The following HDAC4 variants were observed in gnomAD, a reference collection of about 807,000 sequenced individuals.
HDAC4 encodes histone deacetylase 4.
HDAC4 carries 16 observed loss-of-function variants against 135.1 expected under a neutral mutation model. The ratio of observed to expected loss-of-function variants is 0.12; its 90% CI spans 0.08 to 0.18. The LOEUF (loss-of-function observed/expected upper bound fraction) is 0.18, where lower values mean the gene tolerates loss of function less well. HDAC4 is among the 10% of genes least tolerant of loss of function. The pLI is 1.00. For synonymous variants in HDAC4, 685 were observed against 653.4 expected (o/e 1.05, Z -0.74); for missense variants, 1,143 against 1,511.8 (o/e 0.76, Z 4.05).
chr2:239,325,716 G>A (rs993155789), intron 2 of HDAC4, among the ~76,000 whole-genome samples: 16 of 152,226 alleles, frequency 1.1e-4, no homozygotes, highest in Non-Finnish European at 2.2e-4. Context: ...TGTAATCCCA[G>A]CACTTTGGGA....
chr2:239,060,834 G>C (rs933537460), intron 24 of HDAC4, among the ~76,000 whole-genome samples: 1 of 152,366 alleles, frequency 6.6e-6, no homozygotes, highest in Middle Eastern at 3.4e-3. Flanking sequence ...GGCCCGTGTG[G>C]GATGCACGCA....
intron 2 of HDAC4, among the ~76,000 whole-genome samples, chr2:239,280,619 G>C (rs2050650306): frequency 6.6e-6 from 1 of 152,120 alleles, no homozygotes; most frequent in Admixed American, 6.5e-5. Flanking sequence ...AGGCTCGGGG[G>C]CCTCTCTCCC....
chr2:239,112,962 T>C (rs1044364452), intron 13 of HDAC4, among the ~76,000 whole-genome samples: 1 of 152,198 alleles, frequency 6.6e-6, no homozygotes, highest in Non-Finnish European at 1.5e-5. Context: ...TGGTGGCTCA[T>C]GCCTGTAATC....
At chr2:239,061,706 C>T (rs953281536) in intron 24 of HDAC4, among the ~76,000 whole-genome samples, 2 of 152,160 alleles carry the variant, frequency 1.3e-5, no homozygotes, top group East Asian at 1.9e-4. Context: ...ACTTGGTTTT[C>T]GTTACTTTGT....
Position 239,190,026 on chromosome 2 carries a change from A to G in HDAC4, c.146T>C (p.Met49Thr), listed in dbSNP as rs758717341. ...PLQVAPSAVPMDLRLDHQFSL... is the reference protein window; with the variant it reads ...PLQVAPSAVPTDLRLDHQFSL... ...GAACTGGTGGTCCAGGCGCAGGTCC[A>G]TGGGCACTGCCGAGGGGGCCACTTG... Residue 49 changes from methionine to threonine, a missense_variant, in exon 4 of 27, where the codon ATG (methionine) becomes ACG (threonine). Met to Thr is a moderately conservative substitution (Grantham distance 81, BLOSUM62 -1). Coordinates refer to ENST00000543185, the MANE Select transcript of HDAC4 (RefSeq NM_001378414.1). 5 of 1,604,776 alleles carry G rather than the reference A, an allele frequency of 3.1e-6. No individual in the cohort carries two copies. The highest frequency in any genetic ancestry group is 4.5e-5 in the East Asian group (2 of 44,776).
intron 3 of HDAC4, among the ~76,000 whole-genome samples, chr2:239,215,383 C>T (rs2046576767): frequency 6.6e-6 from 1 of 152,156 alleles, no homozygotes; most frequent in Non-Finnish European, 1.5e-5. Flanking sequence ...GGGCTGGCTG[C>T]TGGGAGCCCA....
At chr2:239,086,280 G>A (rs1337923586) in intron 19 of HDAC4, among the ~76,000 whole-genome samples, 1 of 71,692 alleles carries the variant, frequency 1.4e-5, no homozygotes. Context: ...TATCTCGCAC[G>A]TAGTCTCTTC....
intron 2 of HDAC4, among the ~76,000 whole-genome samples, chr2:239,317,313 C>G (rs1051197479): frequency 4.1e-5 from 4 of 98,272 alleles, no homozygotes; most frequent in African/African-American, 1.2e-4. Flanking sequence ...GTGGGTGGGG[C>G]CGGCGTGTGT....
intron 16 of HDAC4, among the ~76,000 whole-genome samples, chr2:239,095,554 G>A (rs1045413769): frequency 4.6e-5 from 7 of 152,154 alleles, no homozygotes; most frequent in Admixed American, 6.5e-5. Flanking sequence ...TGAGATCCTC[G>A]GGAATGTATG....
chr2:239,138,995 G>A (rs550885326), intron 9 of HDAC4, among the ~76,000 whole-genome samples: 2 of 152,156 alleles, frequency 1.3e-5, no homozygotes, highest in African/African-American at 4.8e-5. Context: ...GACTCCAAGC[G>A]TCCCCTGACT....
chr2:239,073,738 G>A (rs534725879), intron 22 of HDAC4, among the ~76,000 whole-genome samples: 10 of 152,396 alleles, frequency 6.6e-5, no homozygotes, highest in East Asian at 1.9e-4. Flanking sequence ...GCCTCAGAGC[G>A]TGCGTGGAGT....
rs1317432598 is a variant in HDAC4, at chr2:239,317,537, G to A, written c.22+35141C>T. ...CGGGAGGGACCTGCCAGAAACGCCA[G>A]CATGAAGGGGCTCTCATTGGCCAAA... On this transcript the variant is annotated intron_variant, in intron 2 of 26. Coordinates refer to ENST00000543185, the MANE Select transcript of HDAC4 (RefSeq NM_001378414.1). Among the ~76,000 whole-genome samples the A allele has an allele frequency of 7.9e-5, 12 of 152,292 alleles. No homozygotes were observed. In the East Asian group the frequency reaches 2.3e-3, roughly 29 times the overall value.
intron 19 of HDAC4, among the ~76,000 whole-genome samples, chr2:239,084,745 A>G (rs1450822053): frequency 7.2e-6 from 1 of 138,272 alleles, no homozygotes; most frequent in African/African-American, 2.7e-5. Flanking sequence ...AGATACGCCC[A>G]TACACCACAG....
chr2:239,366,422 A>G (rs1401008863), intron 1 of HDAC4, among the ~76,000 whole-genome samples: 2 of 152,230 alleles, frequency 1.3e-5, no homozygotes, highest in Admixed American at 6.5e-5. Context: ...ATGGAGGAAA[A>G]GAGATGTCAG....
At chr2:239,093,966 G>A (rs1454486463) in intron 17 of HDAC4, 5 of 985,240 alleles carry the variant, frequency 5.1e-6, no homozygotes, top group Non-Finnish European at 6.0e-6. Context: ...TTCTCTTTCT[G>A]ACGGGATAAT....
At chr2:239,054,640 C>CGGCA (rs1326990533) in intron 25 of HDAC4, 109 bp downstream of exon 25, 3 of 786,216 alleles carry the variant, frequency 3.8e-6, no homozygotes, top group East Asian at 2.5e-5. Context: ...GGGAAGCAGC[C>CGGCA]GGCAGTGGGA....
chr2:239,370,689 A>G (rs1694544115), intron 1 of HDAC4, among the ~76,000 whole-genome samples: 1 of 152,214 alleles, frequency 6.6e-6, no homozygotes, highest in Admixed American at 6.5e-5. Context: ...CACCTGGTGG[A>G]AAGGCTGGTG....
chr2:239,215,116 T>C (rs541909789), intron 3 of HDAC4, among the ~76,000 whole-genome samples: 5 of 152,284 alleles, frequency 3.3e-5, no homozygotes, highest in African/African-American at 1.2e-4. Flanking sequence ...GAGGCCAGGA[T>C]ATCACCAAGG....
At chr2:239,319,022 C>G (rs963157839) in intron 2 of HDAC4, among the ~76,000 whole-genome samples, 4 of 152,158 alleles carry the variant, frequency 2.6e-5, no homozygotes, top group African/African-American at 9.7e-5. Context: ...GAGCAGCTGC[C>G]TCCCCAGCAC....
Sources: gnomAD v4.1 joint callset for allele counts (sites outside exome capture counted in the v4.1 genomes callset) on GRCh38, gnomAD v4.1.1 for gene constraint, MANE v1.5 for transcripts, NCBI Gene and HGNC (gene_info 2026-07-23, HGNC 2026-07-21) for gene names.